Variants in SEL1L3 observed in about 807,000 individuals in gnomAD.
The protein encoded by SEL1L3 is protein sel-1 homolog 3.
SEL1L3 carries 76 observed loss-of-function variants against 142.8 expected under a neutral mutation model. The observed-to-expected ratio is 0.53, with a 90% CI of 0.44 to 0.64. The LOEUF (loss-of-function observed/expected upper bound fraction) is 0.64, where lower values mean the gene tolerates loss of function less well. Among genes scored for constraint, SEL1L3 ranks in the 30% least tolerant of loss-of-function variants. The pLI is 0.00. For synonymous variants in SEL1L3, 504 were observed against 519.6 expected, an observed-to-expected ratio of 0.97 and a Z score of 0.41; for missense variants, 1,262 against 1,381.7, an observed-to-expected ratio of 0.91 and a Z score of 1.37.
chr4:25,770,390 C>T (rs1455007535), intron 17 of SEL1L3: 2 of 152,022 alleles, frequency 1.3e-5, no homozygotes, highest in Non-Finnish European at 2.9e-5. Context: ...ACACTGAAAT[C>T]CATCAGAAAG....
At chr4:25,715,221 G>A in the SEL1L3 span, among the ~76,000 whole-genome samples, 2 of 152,100 alleles carry the variant, frequency 1.3e-5, no homozygotes, top group African/African-American at 2.4e-5. Flanking sequence ...GTCAGGCATG[G>A]TGGCTCACAC....
chr4:25,755,378 T>C (rs941492758), intron 23 of SEL1L3, among the ~76,000 whole-genome samples: 9 of 152,148 alleles, frequency 5.9e-5, no homozygotes, highest in African/African-American at 2.2e-4. Context: ...GTTGGAATTA[T>C]AGCAGTAAGC....
At chr4:25,759,263 G>A (rs2276951) in intron 20 of SEL1L3, 195 bp from the exon 21 acceptor site, 68,054 of 568,598 alleles carry the variant, frequency 0.12, 4,552 homozygotes, top group African/African-American at 0.21. Flanking sequence ...AGGAGAACCA[G>A]GAGGCTTTCA....
intron 11 of SEL1L3, among the ~76,000 whole-genome samples, chr4:25,797,995 G>C (rs981706600): frequency 6.6e-6 from 1 of 152,202 alleles, no homozygotes; most frequent in African/African-American, 2.4e-5. Flanking sequence ...GGAAGTCAGA[G>C]GGGAAGTGGG....
At chr4:25,823,798 C>T (rs555474187) in intron 6 of SEL1L3, among the ~76,000 whole-genome samples, 26 of 152,170 alleles carry the variant, frequency 1.7e-4, no homozygotes, top group African/African-American at 5.5e-4. Context: ...GCCGGAGTGA[C>T]GATGGATGGG....
At position 25,767,627 on chromosome 4, in the gene SEL1L3, G is replaced by T. The variant is rs1460102458; in HGVS notation, c.2761-18C>A. 5.1e-6 allele frequency: 8 copies of T among 1,556,528 alleles called. No homozygotes were observed. The highest frequency in any genetic ancestry group is 7.0e-6 in the Non-Finnish European group (8 of 1,137,094). On this transcript the variant is annotated intron_variant, in intron 18 of 23. Transcript: ENST00000399878. ...GCCAGGTCCTAAGGGGTAAAGGGAA[G>T]AAAAAGTTAATTCATTAATATTTCG...
intron 2 of SEL1L3, among the ~76,000 whole-genome samples, chr4:25,843,222 G>A (rs1489243484): frequency 1.3e-5 from 2 of 151,528 alleles, no homozygotes; most frequent in African/African-American, 4.9e-5. Context: ...GATTATGGGA[G>A]GAACTGGGGG....
At chr4:25,740,998 T>A in the SEL1L3 span, among the ~76,000 whole-genome samples, 1 of 152,278 alleles carries the variant, frequency 6.6e-6, no homozygotes, top group Admixed American at 6.5e-5. Flanking sequence ...TTGGCCAGGC[T>A]GGTCTTGAAC....
chr4:25,788,371 G>T lies in SEL1L3; in HGVS notation c.2077-7C>A. On this transcript the variant is annotated splice_polypyrimidine_tract_variant and splice_region_variant and intron_variant, in intron 12 of 23. Transcript: ENST00000399878. This position sits in a 1 kb window ranked among gnomAD's most constrained non-coding sequence, Gnocchi z 5.3. The stretch of plus-strand genomic sequence containing the variant: ...GCATCTGGGCCAATCGTTGCTTAAA[G>T]ATAATAGCAATTTAGAACAATGACT... 6.2e-7 allele frequency: 1 copy of T among 1,613,562 alleles called. No individual in the cohort carries two copies. The highest frequency in any genetic ancestry group is 8.5e-7 in the Non-Finnish European group (1 of 1,179,766).
In SEL1L3 at chr4:25,838,106, G is replaced by A. The variant is rs143796656; in HGVS notation, c.734-2783C>T. On this transcript the variant is annotated intron_variant, in intron 2 of 23. Coordinates refer to ENST00000399878, the MANE Select transcript of SEL1L3 (RefSeq NM_015187.5). Reference sequence around the variant, plus strand: ...ATGAATATAGGTGTGGCCAAGTCAGGATTTGAACCTGTCTCCCTTCCTCCT... The same window carrying A: ...ATGAATATAGGTGTGGCCAAGTCAGAATTTGAACCTGTCTCCCTTCCTCCT... Among the ~76,000 whole-genome samples the A allele has an allele frequency of 4.3e-3, 658 of 152,252 alleles. 4 individuals are homozygous for A. The highest frequency in any genetic ancestry group is 0.017 in the Middle Eastern group (5 of 292).
At chr4:25,785,935 T>C (rs1275049324) in intron 13 of SEL1L3, among the ~76,000 whole-genome samples, 1 of 152,220 alleles carries the variant, frequency 6.6e-6, no homozygotes, top group Non-Finnish European at 1.5e-5. Context: ...TAGGGATGTT[T>C]ACACTATACC....
At chr4:25,777,456 T>C (rs1049497008) in intron 16 of SEL1L3, among the ~76,000 whole-genome samples, 1 of 152,068 alleles carries the variant, frequency 6.6e-6, no homozygotes, top group Non-Finnish European at 1.5e-5. Flanking sequence ...TCAGAAAGGA[T>C]GGGGAGGCTC....
At chr4:25,825,461 G>A (rs1715028582) in intron 6 of SEL1L3, among the ~76,000 whole-genome samples, 1 of 151,976 alleles carries the variant, frequency 6.6e-6, no homozygotes, top group Non-Finnish European at 1.5e-5. Context: ...GGACATAGGA[G>A]AGTGCCCTGG....
chr4:25,818,296 C>G lies in SEL1L3; in HGVS notation c.1424-18G>C. The G allele has an allele frequency of 6.3e-7, 1 of 1,586,064 alleles. No homozygotes were observed. The highest frequency in any genetic ancestry group is 1.2e-5 in the South Asian group (1 of 86,554). ...GAGGTGGCCTACACAGAAGAGGGAG[C>G]AGAAGATATCACACCCTTTAGCAGA... On this transcript the variant is annotated intron_variant, in intron 8 of 23. Transcript: ENST00000399878.
the SEL1L3 span, among the ~76,000 whole-genome samples, chr4:25,737,317 T>C: frequency 6.6e-6 from 1 of 152,180 alleles, no homozygotes; most frequent in Non-Finnish European, 1.5e-5. Flanking sequence ...CTTTATTTCT[T>C]ACACTTCTAG....
At chr4:25,834,820 C>G (rs1211342969) in intron 3 of SEL1L3, among the ~76,000 whole-genome samples, 1 of 152,142 alleles carries the variant, frequency 6.6e-6, no homozygotes, top group Non-Finnish European at 1.5e-5. Flanking sequence ...TGGAGGAGAT[C>G]AGAAGTTGTG....
the SEL1L3 span, among the ~76,000 whole-genome samples, chr4:25,736,562 T>C: frequency 2.0e-5 from 3 of 152,288 alleles, no homozygotes; most frequent in South Asian, 2.1e-4. Context: ...ACTTGTTTTA[T>C]GGTTCAAGAT....
intron 7 of SEL1L3, among the ~76,000 whole-genome samples, chr4:25,820,474 C>T (rs182216931): frequency 6.6e-6 from 1 of 152,364 alleles, no homozygotes; most frequent in East Asian, 1.9e-4. Context: ...GTACTGTATT[C>T]TTTCATGAAT....
intron 3 of SEL1L3, among the ~76,000 whole-genome samples, chr4:25,833,801 C>G (rs1473040820): frequency 6.6e-6 from 1 of 152,194 alleles, no homozygotes. Context: ...AGCAGACTTT[C>G]TACCTTGCAC....
Sources: gnomAD v4.1 joint callset for allele counts (sites outside exome capture counted in the v4.1 genomes callset) on GRCh38, gnomAD v4.1.1 for gene constraint, Gnocchi (gnomAD v3.1) non-coding constraint, MANE v1.5 for transcripts, NCBI Gene and HGNC (gene_info 2026-07-23, HGNC 2026-07-21) for gene names.